SBF1: variants seen among roughly 807,000 people sequenced by gnomAD.
The protein encoded by SBF1 is SET binding factor 1.
Under a neutral mutation model 215.8 loss-of-function variants are expected in SBF1, and 65 were observed. The ratio of observed to expected loss-of-function variants is 0.30; its 90% CI spans 0.25 to 0.37. The LOEUF (loss-of-function observed/expected upper bound fraction) is 0.37. Ranked by LOEUF, SBF1 falls within the 10% of genes least tolerant of loss-of-function variation. The probability of loss-of-function intolerance (pLI) is 1.00; values close to 1 mark genes in which losing one functional copy is unlikely to be tolerated. For synonymous variants in SBF1, 1,410 were observed against 1,122.8 expected (o/e 1.26, Z -5.11); for missense variants, 2,634 against 2,667.8 (o/e 0.99, Z 0.28).
In SBF1 at chr22:50,466,566, C is replaced by T. The variant is rs376630792; in HGVS notation, c.655+39G>A. The T allele has an allele frequency of 2.3e-5, 35 of 1,532,320 alleles. No individual in the cohort carries two copies. The African/African-American group carries it at 4.0e-4, about 17-fold the overall frequency. 94.9% of individuals were successfully genotyped at this position (1,532,320 alleles called of 1,614,324 possible). On this transcript the variant is annotated intron_variant, in intron 6 of 40. Transcript: ENST00000380817. The stretch of plus-strand genomic sequence containing the variant: ...ACCCACATCCCTAACTACCAGTCCC[C>T]GAGGGGAAGCCATGCGGGGGTGGGA...
At chr22:50,460,224 A>G (rs1177844982) in intron 25 of SBF1, 48 bp downstream of exon 25, 1 of 1,601,460 alleles carries the variant, frequency 6.2e-7, no homozygotes, top group African/African-American at 1.3e-5. Context: ...CTCCCTGGCC[A>G]ATGTCAGCAT....
chr22:50,470,697 G>A (rs984083045), intron 1 of SBF1, among the ~76,000 whole-genome samples: 4 of 152,194 alleles, frequency 2.6e-5, no homozygotes, highest in Non-Finnish European at 1.5e-5. Context: ...TGGCTGGGAC[G>A]GACCACAGGC....
chr22:50,452,140 TAA>T (rs374473892), intron 36 of SBF1, among the ~76,000 whole-genome samples: 81 of 113,114 alleles, frequency 7.2e-4, no homozygotes, highest in Admixed American at 9.3e-4. Context: ...ACTGCTGAAT[TAA>T]AAAAAAAAAA....
intron 28 of SBF1, among the ~76,000 whole-genome samples, chr22:50,458,303 T>TC (rs2067341796): frequency 2.1e-5 from 1 of 46,878 alleles, no homozygotes; most frequent in Non-Finnish European, 4.8e-5. Context: ...AGACTCCGAC[T>TC]CAAAAAAAAA....
Position 50,454,559 on chromosome 22 carries a change from CG to C in SBF1, c.4995del (p.Tyr1665Ter). 1 of 1,611,630 alleles carries C rather than the reference CG, an allele frequency of 6.2e-7. No individual in the cohort carries two copies. The highest frequency in any genetic ancestry group is 8.5e-7 in the Non-Finnish European group (1 of 1,179,868). On this transcript the variant is annotated frameshift_variant, in exon 36 of 41. Transcript: ENST00000380817. LOFTEE classifies it high-confidence loss of function. Reference protein sequence around the residue: ...QSRRRVVWPCYDSCPRAQPDA... With the variant: ...QSRRRVVWPCXDSCPRAQPDA... ...TCAGGCTGGGCCCGCGGGCAGCTGT[CG>C]TAACAGGGCCACACCACGCGGCGCC...
At chr22:50,454,461 A>T (rs1417569364) in intron 36 of SBF1, 51 bp downstream of exon 36, 3 of 1,485,584 alleles carry the variant, frequency 2.0e-6, no homozygotes, top group Non-Finnish European at 2.8e-6. Context: ...CTGGTGTCTG[A>T]GCGAGAGGAG....
At chr22:50,468,171 G>C (rs1207612557) in intron 2 of SBF1, among the ~76,000 whole-genome samples, 1 of 152,206 alleles carries the variant, frequency 6.6e-6, no homozygotes. Flanking sequence ...CATCATGAGT[G>C]AGTGACAACA....
chr22:50,463,603 A>G (rs1008365323), intron 15 of SBF1, among the ~76,000 whole-genome samples, 171 bp from the exon 16 acceptor site: 2 of 152,140 alleles, frequency 1.3e-5, no homozygotes, highest in African/African-American at 4.8e-5. Context: ...GGGCCCGACA[A>G]CTCCACAAGT....
At chr22:50,449,617 AACACACAAACACACACAC>A (rs1007624277) in intron 36 of SBF1, among the ~76,000 whole-genome samples, 1 of 41,170 alleles carries the variant, frequency 2.4e-5, no homozygotes, top group African/African-American at 6.7e-5. Context: ...TCTGTCTCAA[AACACACAAACACACACAC>A]ACACACACAC....
chr22:50,454,613 G>A lies in SBF1; in HGVS notation c.4942C>T (p.Arg1648Trp), dbSNP rs776069950. The A allele has an allele frequency of 1.9e-6, 3 of 1,607,318 alleles. No homozygotes were observed. The highest frequency in any genetic ancestry group is 1.7e-5 in the Admixed American group (1 of 59,124). Residue 1648 changes from arginine (R) to tryptophan (W), a missense_variant, in exon 36 of 41, where the codon CGG (arginine) becomes TGG (tryptophan). Transcript: ENST00000380817. ...QGPPEPPEEE[R>W]SDGGAPQSRR... ...CTCTGGGGAGCGCCTCCATCAGACC[G>A]TTCTTCCTCTGGGGGTTCAGGGGGC...
At position 50,460,522 on chromosome 22, in the gene SBF1, C is replaced by T. The variant is rs761233362; in HGVS notation, c.3146+12G>A. 6.2e-7 allele frequency: 1 copy of T among 1,613,506 alleles called. No homozygotes were observed. Among genetic ancestry groups the T allele is most frequent in the Non-Finnish European group, 8.5e-7 (1 of 1,179,588 alleles). ...GAGGCCCAGCTGCCCTGCCTGGGACCCAGATCCATACCTGAGGGAAGGACC... is the reference window on the plus strand; with the variant it reads ...GAGGCCCAGCTGCCCTGCCTGGGACTCAGATCCATACCTGAGGGAAGGACC... On this transcript the variant is annotated intron_variant, in intron 24 of 40. Coordinates refer to ENST00000380817, the MANE Select transcript of SBF1 (RefSeq NM_002972.4).
chr22:50,451,200 G>A (rs561310893), intron 36 of SBF1, among the ~76,000 whole-genome samples: 26 of 146,788 alleles, frequency 1.8e-4, no homozygotes, highest in Admixed American at 8.7e-4. Context: ...AAAAGTAGCC[G>A]GCACGTGGCC....
In SBF1 at chr22:50,455,009, C is replaced by G; in HGVS notation, c.4681+7G>C. The stretch of plus-strand genomic sequence containing the variant: ...CGTGGCTGCCCCAGCCCCGACTCCC[C>G]ACATACCCAGCTCAATGCGCTCATA... On this transcript the variant is annotated splice_region_variant and intron_variant, in intron 34 of 40. Coordinates refer to ENST00000380817, the MANE Select transcript of SBF1 (RefSeq NM_002972.4). 1.9e-6 allele frequency: 3 copies of G among 1,614,092 alleles called. No individual in the cohort carries two copies. Among genetic ancestry groups the G allele is most frequent in the Non-Finnish European group, 2.5e-6 (3 of 1,180,042 alleles).
At chr22:50,460,779 T>C (rs1476609714) in intron 23 of SBF1, 67 bp from the exon 24 acceptor site, 19 of 1,513,718 alleles carry the variant, frequency 1.3e-5, no homozygotes, top group Non-Finnish European at 1.6e-5. Flanking sequence ...ACTCTGACAC[T>C]GCCAGGCTCC....
In SBF1 at chr22:50,462,119, G is replaced by A. The variant is rs753158298; in HGVS notation, c.2397C>T (p.Ser799=). The stretch of plus-strand genomic sequence containing the variant: ...AGCTCTCGGCCACACTGCCAGCCAT[G>A]CTGGGCCAGAGAAGAAACTGTGGGC... ...ESASNSLVTN[S]MAGSVAESYD... Residue 799 remains serine, a splice_region_variant and synonymous_variant, in exon 20 of 41, where the codon AGC becomes AGT. Transcript: ENST00000380817. 4 of 1,612,850 alleles carry A rather than the reference G, an allele frequency of 2.5e-6. No homozygotes were observed. Among genetic ancestry groups the A allele is most frequent in the African/African-American group, 1.3e-5 (1 of 74,950 alleles).
rs746638034 is a variant in SBF1 at position 50,460,595 on chromosome 22, C to A, written c.3085G>T (p.Gly1029Cys). 1.2e-5 allele frequency: 19 copies of A among 1,613,968 alleles called. No homozygotes were observed. Among genetic ancestry groups the A allele is most frequent in the Non-Finnish European group, 1.4e-5 (17 of 1,180,038 alleles). ...DIRATFAFTLGSAHTPGRPPR... is the reference protein window; with the variant it reads ...DIRATFAFTLCSAHTPGRPPR... ...GGCCGGCCAGGTGTGTGGGCAGAGC[C>A]CAAGGTGAACGCAAAGGTGGCCCTG... The change falls in exon 24 of 41, where the codon GGC becomes TGC. Residue 1029 changes from glycine (G) to cysteine (C), a missense_variant. Physicochemically the swap from Gly to Cys is radical, Grantham distance 159 (BLOSUM62 -3). Coordinates refer to ENST00000380817, the MANE Select transcript of SBF1 (RefSeq NM_002972.4).
At position 50,474,968 on chromosome 22, in the gene SBF1, G is replaced by C. The variant is rs1480295111; in HGVS notation, c.-128C>G. On this transcript the variant is annotated 5_prime_UTR_variant, in exon 1 of 41. Transcript: ENST00000380817. Reference sequence around the variant, plus strand: ...CCCGGACACCCCTGGTTCGCTCCGCGGCGGCGGCGGCGGCGGCGGCGGCGG... The same window carrying C: ...CCCGGACACCCCTGGTTCGCTCCGCCGCGGCGGCGGCGGCGGCGGCGGCGG... 1 of 19,580 alleles carries C rather than the reference G, an allele frequency of 5.1e-5. No homozygotes were observed. The highest frequency in any genetic ancestry group is 7.6e-5 in the Non-Finnish European group (1 of 13,090). The allele number at this position is 19,580 out of a possible 1,614,324, so 1.2% of individuals were successfully genotyped here.
At chr22:50,460,184 C>T (rs757056842) in intron 25 of SBF1, 25 bp from the exon 26 acceptor site, 13 of 1,607,644 alleles carry the variant, frequency 8.1e-6, no homozygotes, top group South Asian at 2.2e-5. Flanking sequence ...CACACGTGGT[C>T]ATCACGGGGC....
At chr22:50,450,740 T>G (rs2067013101) in intron 36 of SBF1, among the ~76,000 whole-genome samples, 1 of 152,070 alleles carries the variant, frequency 6.6e-6, no homozygotes, top group African/African-American at 2.4e-5. Context: ...AGAAACAAGC[T>G]TCAAACAGAC....
Sources: allele counts gnomAD v4.1 joint callset (sites outside exome capture counted in the v4.1 genomes callset), GRCh38; gene constraint gnomAD v4.1.1; transcripts MANE v1.5; gene names NCBI Gene and HGNC (gene_info 2026-07-23, HGNC 2026-07-21).